Variants in OPCML observed in about 807,000 individuals in gnomAD.
OPCML encodes the protein opioid-binding protein/cell adhesion molecule.
In OPCML, 13 loss-of-function variants were observed where a neutral mutation model predicts 37.8. That is an observed-to-expected ratio of 0.34 (90% CI 0.22 to 0.55). The LOEUF (loss-of-function observed/expected upper bound fraction) is 0.55. Ranked by LOEUF, OPCML falls within the 20% of genes least tolerant of loss-of-function variation. The pLI is 0.91. For synonymous variants in OPCML, 176 were observed against 168.8 expected (o/e 1.04, Z -0.33); for missense variants, 341 against 435.6 (o/e 0.78, Z 1.93).
intron 3 of OPCML, among the ~76,000 whole-genome samples, chr11:132,584,604 A>G (rs2096468647): frequency 6.6e-6 from 1 of 152,172 alleles, no homozygotes; most frequent in African/African-American, 2.4e-5. Flanking sequence ...CTCTCTGTAA[A>G]CAGAGATGAC....
At chr11:132,884,345 G>C (rs1208589179) in intron 2 of OPCML, among the ~76,000 whole-genome samples, 1 of 152,176 alleles carries the variant, frequency 6.6e-6, no homozygotes, top group Non-Finnish European at 1.5e-5. Flanking sequence ...AATGTTAAAT[G>C]GCTCCAATAA....
intron 1 of OPCML, among the ~76,000 whole-genome samples, chr11:133,015,038 AAC>A (rs1166484977): frequency 6.6e-6 from 1 of 152,236 alleles, no homozygotes; most frequent in African/African-American, 2.4e-5. Context: ...AAAGTTAGCA[AAC>A]ACAGTTACAA....
chr11:132,732,179 G>T (rs180749832), intron 2 of OPCML, among the ~76,000 whole-genome samples: 4 of 152,110 alleles, frequency 2.6e-5, no homozygotes, highest in East Asian at 1.9e-4. Context: ...TTTAAAGTTC[G>T]AACAAGAATA....
chr11:132,702,683 A>G (rs1452412055), intron 2 of OPCML, among the ~76,000 whole-genome samples: 1 of 152,086 alleles, frequency 6.6e-6, no homozygotes, highest in Non-Finnish European at 1.5e-5. Flanking sequence ...TCCTTCTGGA[A>G]CACCTATAAT....
In OPCML at chr11:133,138,291, C is replaced by T. The variant is rs560653689; in HGVS notation, c.62-195281G>A. Reference sequence around the variant, plus strand: ...GTGCCATATTCTTGGACTTTCCAGCCGCCAGAATTGTGGGCTAAACGTCTT... The same window carrying T: ...GTGCCATATTCTTGGACTTTCCAGCTGCCAGAATTGTGGGCTAAACGTCTT... On this transcript the variant is annotated intron_variant, in intron 1 of 7. Transcript: ENST00000524381. Among the ~76,000 whole-genome samples, 20 of 152,290 alleles carry T rather than the reference C, an allele frequency of 1.3e-4. No homozygotes were observed. In the East Asian group the frequency reaches 2.7e-3, roughly 21 times the overall value.
chr11:133,009,056 A>G (rs1947165519), intron 1 of OPCML: 1 of 985,316 alleles, frequency 1.0e-6, no homozygotes, highest in Admixed American at 6.1e-5. Context: ...TTACTCTTCC[A>G]GATTACTTAA....
At chr11:132,424,575 C>T (rs747758676) in intron 7 of OPCML, among the ~76,000 whole-genome samples, 2 of 152,130 alleles carry the variant, frequency 1.3e-5, no homozygotes, top group African/African-American at 4.8e-5. Context: ...ATGCTCTCTA[C>T]GCTCCCCCGG....
At chr11:132,844,468 A>C (rs1941435700) in intron 2 of OPCML, among the ~76,000 whole-genome samples, 1 of 152,170 alleles carries the variant, frequency 6.6e-6, no homozygotes. Flanking sequence ...TATGTAGGGA[A>C]TGACAGGAAG....
chr11:133,267,435 C>T (rs1487582394), intron 1 of OPCML, among the ~76,000 whole-genome samples: 1 of 152,174 alleles, frequency 6.6e-6, no homozygotes, highest in African/African-American at 2.4e-5. Flanking sequence ...CAATCAAATC[C>T]TCCTTGCATA....
intron 1 of OPCML, among the ~76,000 whole-genome samples, chr11:133,087,394 G>A (rs1251020154): frequency 3.3e-5 from 5 of 152,156 alleles, no homozygotes; most frequent in Non-Finnish European, 5.9e-5. Flanking sequence ...TCACCAGGTA[G>A]TGAGCCTAGA....
rs928667796 is a variant in OPCML, at chr11:133,112,047, C to A, written c.62-169037G>T. 2.6e-5 allele frequency among the ~76,000 whole-genome samples: 4 copies of A among 152,010 alleles called. No individual in the cohort carries two copies. The East Asian group carries it at 7.7e-4, about 29-fold the overall frequency. On this transcript the variant is annotated intron_variant, in intron 1 of 7. Coordinates refer to ENST00000524381, the MANE Select transcript of OPCML (RefSeq NM_001012393.5). The stretch of plus-strand genomic sequence containing the variant: ...CTGTACATCCACCTTCACGCTGGTT[C>A]TTAGAAAATATATTGCCAGGATTGC...
chr11:132,777,426 T>A (rs1946842990), intron 2 of OPCML, among the ~76,000 whole-genome samples: 1 of 152,106 alleles, frequency 6.6e-6, no homozygotes, highest in African/African-American at 2.4e-5. Flanking sequence ...AGCCAGCAGG[T>A]CCTTTATTGG....
intron 3 of OPCML, among the ~76,000 whole-genome samples, chr11:132,652,800 T>A (rs1231286813): frequency 6.6e-6 from 1 of 152,168 alleles, no homozygotes; most frequent in Non-Finnish European, 1.5e-5. Flanking sequence ...CATCTGGACA[T>A]AGTCTGACTT....
intron 2 of OPCML, among the ~76,000 whole-genome samples, chr11:132,937,596 GTGTGTGTGTGTGT>G (rs1355835020): frequency 3.5e-5 from 3 of 85,672 alleles, no homozygotes; most frequent in African/African-American, 1.5e-4. Flanking sequence ...CGTGTGTGGG[GTGTGTGTGTGTGT>G]GTGTGTGTGT....
chr11:132,443,979 T>C (rs2096045610), intron 4 of OPCML, among the ~76,000 whole-genome samples: 1 of 152,218 alleles, frequency 6.6e-6, no homozygotes, highest in Admixed American at 6.5e-5. Context: ...TGCCTTTCTC[T>C]CTGAGAATTA....
At chr11:132,953,844 A>G (rs1565364524) in intron 1 of OPCML, among the ~76,000 whole-genome samples, 1 of 152,142 alleles carries the variant, frequency 6.6e-6, no homozygotes, top group Non-Finnish European at 1.5e-5. Context: ...CATGGGAAAA[A>G]CAACATTTTT....
rs139153797 is a variant in OPCML, at chr11:133,118,503, G to A, written c.62-175493C>T. 6.3e-3 allele frequency: 4,776 copies of A among 758,102 alleles called. 20 individuals are homozygous for A. Among genetic ancestry groups the A allele is most frequent in the Middle Eastern group, 0.014 (21 of 1,524 alleles). 47.0% of individuals were successfully genotyped at this position (758,102 alleles called of 1,614,324 possible). ...CTCCATTTGGTCAAGGAGACAGGAT[G>A]GAGAGAATTGCTCAGTAGCAAGACT... On this transcript the variant is annotated intron_variant, in intron 1 of 7. Coordinates refer to ENST00000524381, the MANE Select transcript of OPCML (RefSeq NM_001012393.5).
chr11:132,815,874 TAGAG>T (rs1339975241), intron 2 of OPCML, among the ~76,000 whole-genome samples: 2 of 152,174 alleles, frequency 1.3e-5, no homozygotes, highest in Non-Finnish European at 2.9e-5. Context: ...CAGACACAGA[TAGAG>T]AAATGTGTCT....
At chr11:132,992,177 C>T (rs1194807292) in intron 1 of OPCML, among the ~76,000 whole-genome samples, 1 of 152,030 alleles carries the variant, frequency 6.6e-6, no homozygotes, top group Non-Finnish European at 1.5e-5. Context: ...TCAGAAAGCC[C>T]TCCAAGGCTT....
Sources: allele counts gnomAD v4.1 joint callset (sites outside exome capture counted in the v4.1 genomes callset), GRCh38; gene constraint gnomAD v4.1.1; transcripts MANE v1.5; gene names NCBI Gene and HGNC (gene_info 2026-07-23, HGNC 2026-07-21).